Variants in NCR1 observed in about 807,000 individuals in gnomAD.
NCR1 encodes the protein NK cell-activating receptor.
Under a neutral mutation model 32.5 loss-of-function variants are expected in NCR1, and 30 were observed. The ratio of observed to expected loss-of-function variants is 0.92; its 90% confidence interval spans 0.69 to 1.25. NCR1 has a LOEUF of 1.25. Ranked by LOEUF, NCR1 falls within the 50% of genes most tolerant of loss-of-function variation. The pLI is 0.00. For synonymous variants in NCR1, 169 were observed against 143.4 expected, an observed-to-expected ratio of 1.18 and a Z score of -1.28; for missense variants, 369 against 380.7, an observed-to-expected ratio of 0.97 and a Z score of 0.26.
the NCR1 span, chr19:54,933,573 A>G: frequency 6.2e-7 from 1 of 1,614,058 alleles, no homozygotes; most frequent in African/African-American, 1.3e-5. Context: ...ACTTACACCA[A>G]GGTCTGCAGT....
At position 54,906,778 on chromosome 19, in the gene NCR1, C is replaced by A. The variant is rs1270193838; in HGVS notation, c.326C>A (p.Pro109His). 6.2e-7 allele frequency: 1 copy of A among 1,614,112 alleles called. No homozygotes were observed. Among genetic ancestry groups the A allele is most frequent in the South Asian group, 1.1e-5 (1 of 91,082 alleles). ...CGGGTTGGGGAGCTCTGGTCAGAGC[C>A]CAGCAACTTGCTGGATCTGGTGGTA... The part of the protein sequence containing the change: ...IYRVGELWSE[P>H]SNLLDLVVTE... The change falls in exon 3 of 7, where the codon CCC (proline) becomes CAC (histidine). Residue 109 changes from proline to histidine, a missense_variant. Pro to His is a moderately conservative substitution (Grantham distance 77). Coordinates refer to ENST00000291890, the MANE Select transcript of NCR1 (RefSeq NM_004829.7).
At chr19:54,920,951 C>CT (rs1372963007), downstream of NCR1, among the ~76,000 whole-genome samples, 1 of 152,018 alleles carries the variant, frequency 6.6e-6, no homozygotes, top group Non-Finnish European at 1.5e-5. Flanking sequence ...GCACTCCAGC[C>CT]TAGGCAACCA....
chr19:54,919,809 G>GTGAC (rs1413508374), downstream of NCR1, among the ~76,000 whole-genome samples: 6 of 150,384 alleles, frequency 4.0e-5, no homozygotes, highest in East Asian at 1.2e-3. Context: ...GATCCGCTTG[G>GTGAC]TGACGGGTGT....
the NCR1 span, chr19:54,936,472 A>G: frequency 1.9e-5 from 29 of 1,529,404 alleles, no homozygotes; most frequent in South Asian, 3.1e-4. Flanking sequence ...AGTGATTAAT[A>G]CTCACATTGT....
chr19:54,929,072 T>C, the NCR1 span, among the ~76,000 whole-genome samples: 1 of 152,098 alleles, frequency 6.6e-6, no homozygotes, highest in Non-Finnish European at 1.5e-5. Flanking sequence ...GGGGATGGGT[T>C]AAGAAACTTC....
chr19:54,931,447 TGG>T, the NCR1 span, among the ~76,000 whole-genome samples: 8 of 152,050 alleles, frequency 5.3e-5, no homozygotes, highest in Non-Finnish European at 8.8e-5. Context: ...CTCAGCACTT[TGG>T]GAGGCTGAGG....
At chr19:54,901,510 A>G (rs1010463512), upstream of NCR1, among the ~76,000 whole-genome samples, 5 of 152,030 alleles carry the variant, frequency 3.3e-5, no homozygotes, top group Non-Finnish European at 7.4e-5. Context: ...GTGTGGGCTT[A>G]AGGCTGAATT....
the NCR1 span, chr19:54,933,836 C>G: frequency 9.4e-7 from 1 of 1,058,596 alleles, no homozygotes; most frequent in Non-Finnish European, 1.5e-6. Context: ...CAGCTTCAGC[C>G]CTTCCTGTTC....
At chr19:54,919,248 CG>C (rs1490921034), downstream of NCR1, among the ~76,000 whole-genome samples, 2 of 152,094 alleles carry the variant, frequency 1.3e-5, no homozygotes, top group Non-Finnish European at 2.9e-5. Flanking sequence ...CAGCTGGGCC[CG>C]GGGGACCACT....
At chr19:54,934,937 T>C in the NCR1 span, among the ~76,000 whole-genome samples, 1 of 152,116 alleles carries the variant, frequency 6.6e-6, no homozygotes, top group Non-Finnish European at 1.5e-5. This position sits in a 1 kb window ranked among gnomAD's most constrained non-coding sequence, Gnocchi z 6.7. Flanking sequence ...CCTCAGGTGA[T>C]CCACCCACCT....
the NCR1 span, among the ~76,000 whole-genome samples, chr19:54,923,029 A>G: frequency 6.6e-6 from 1 of 152,060 alleles, no homozygotes; most frequent in Non-Finnish European, 1.5e-5. Context: ...GTGGGAGCCG[A>G]GCAGAACCAG....
At chr19:54,903,310 A>ATG, upstream of NCR1, among the ~76,000 whole-genome samples, 10 of 135,468 alleles carry the variant, frequency 7.4e-5, no homozygotes, top group Admixed American at 1.6e-4. Context: ...ACGTATATGT[A>ATG]TACATACATG....
the NCR1 span, among the ~76,000 whole-genome samples, chr19:54,930,819 G>A: frequency 1.3e-5 from 2 of 152,136 alleles, no homozygotes; most frequent in Middle Eastern, 3.4e-3. Context: ...AGGTTCAAGC[G>A]ATTCTTCTGC....
chr19:54,912,904 G>C lies in NCR1; in HGVS notation c.*33G>C, dbSNP rs2068049798. 3.1e-6 allele frequency: 5 copies of C among 1,601,192 alleles called. No individual in the cohort carries two copies. In the South Asian group the frequency reaches 5.6e-5, roughly 18 times the overall value. ...CCATGAGACACAGTGGCCATGGGTG[G>C]ATCTGAAAGCTGGTGTTGAGCCTGG... On this transcript the variant is annotated 3_prime_UTR_variant, in exon 7 of 7. Transcript: ENST00000291890.
intron 5 of NCR1, among the ~76,000 whole-genome samples, chr19:54,910,739 G>A (rs904549422): frequency 6.6e-6 from 1 of 152,166 alleles, no homozygotes; most frequent in Non-Finnish European, 1.5e-5. Flanking sequence ...GCACACAGGA[G>A]GGAATGATGC....
At chr19:54,922,672 G>T in the NCR1 span, among the ~76,000 whole-genome samples, 1 of 151,242 alleles carries the variant, frequency 6.6e-6, no homozygotes, top group Non-Finnish European at 1.5e-5. Flanking sequence ...CCGGCTACTC[G>T]GAAGGCTGAG....
At chr19:54,927,723 G>A in the NCR1 span, 1 of 1,613,994 alleles carries the variant, frequency 6.2e-7, no homozygotes, top group South Asian at 1.1e-5. Flanking sequence ...TTGCTGAGGA[G>A]AGCAGATCCA....
the NCR1 span, chr19:54,923,832 A>G: frequency 1.6e-5 from 26 of 1,613,828 alleles, no homozygotes; most frequent in East Asian, 4.7e-4. Flanking sequence ...ACTTCCTCCA[A>G]CAGCTTCTTG....
chr19:54,919,764 T>G (rs2068211266), downstream of NCR1, among the ~76,000 whole-genome samples: 1 of 132,242 alleles, frequency 7.6e-6, no homozygotes, highest in African/African-American at 2.8e-5. Flanking sequence ...GTAGCGGGTG[T>G]TGTTAATTGA....
Sources: gnomAD v4.1 joint callset for allele counts (sites outside exome capture counted in the v4.1 genomes callset) on GRCh38, gnomAD v4.1.1 for gene constraint, Gnocchi (gnomAD v3.1) non-coding constraint, MANE v1.5 for transcripts, NCBI Gene and HGNC (gene_info 2026-07-23, HGNC 2026-07-21) for gene names.